The following PPP3R1 variants were observed in gnomAD, a reference collection of about 807,000 sequenced individuals.
PPP3R1 encodes protein phosphatase 3 regulatory subunit B, alpha, also known as calcineurin subunit B type 1.
PPP3R1 carries 5 observed loss-of-function variants against 22.6 expected under a neutral mutation model. The ratio of observed to expected loss-of-function variants is 0.22; its 90% CI spans 0.12 to 0.46. PPP3R1 has a LOEUF of 0.46. Ranked by LOEUF, PPP3R1 falls within the 20% of genes least tolerant of loss-of-function variation. The probability of loss-of-function intolerance (pLI) is 0.99; values close to 1 mark genes in which losing one functional copy is unlikely to be tolerated. For synonymous variants in PPP3R1, 56 were observed against 65.2 expected, an observed-to-expected ratio of 0.86 and a Z score of 0.68; for missense variants, 61 against 203.2, an observed-to-expected ratio of 0.30 and a Z score of 4.25.
At chr2:68,238,328 T>C (rs528333547) in intron 1 of PPP3R1, among the ~76,000 whole-genome samples, 30 of 152,274 alleles carry the variant, frequency 2.0e-4, no homozygotes, top group African/African-American at 7.2e-4. Context: ...AAATGGCCAT[T>C]AACTGCCTGG....
intron 1 of PPP3R1, among the ~76,000 whole-genome samples, chr2:68,241,571 G>A (rs377035183): frequency 2.6e-5 from 4 of 152,130 alleles, no homozygotes; most frequent in Non-Finnish European, 4.4e-5. Flanking sequence ...CAATGTGGCC[G>A]GGCACAGTGG....
intron 1 of PPP3R1, among the ~76,000 whole-genome samples, chr2:68,237,544 T>C (rs895900864): frequency 4.6e-5 from 7 of 152,124 alleles, no homozygotes; most frequent in Admixed American, 4.6e-4. Flanking sequence ...TTACTTGACA[T>C]TATACAACTC....
At chr2:68,216,880 G>A (rs2103770822) in intron 2 of PPP3R1, among the ~76,000 whole-genome samples, 1 of 151,744 alleles carries the variant, frequency 6.6e-6, no homozygotes, top group South Asian at 2.1e-4. Context: ...GAGTAATAAA[G>A]AAGTCTATTT....
At chr2:68,203,549 C>T (rs891839441) in intron 2 of PPP3R1, among the ~76,000 whole-genome samples, 2 of 151,074 alleles carry the variant, frequency 1.3e-5, no homozygotes, top group African/African-American at 4.9e-5. Flanking sequence ...TGCAGTGTGC[C>T]GAGATCGCGC....
intron 1 of PPP3R1, among the ~76,000 whole-genome samples, chr2:68,250,820 T>C (rs1028306400): frequency 6.6e-6 from 1 of 151,678 alleles, no homozygotes; most frequent in Non-Finnish European, 1.5e-5. Context: ...CTGACTTACC[T>C]GAATATTCTA....
chr2:68,197,669 T>A (rs114466223), intron 2 of PPP3R1, among the ~76,000 whole-genome samples: 2,938 of 151,002 alleles, frequency 0.019, 83 homozygotes, highest in African/African-American at 0.068. Context: ...ATTGTGCTTT[T>A]AAAAAAAAAG....
intron 2 of PPP3R1, among the ~76,000 whole-genome samples, chr2:68,195,010 A>G (rs2103732763): frequency 6.6e-6 from 1 of 152,278 alleles, no homozygotes; most frequent in South Asian, 2.1e-4. Flanking sequence ...CCTGGAAAAG[A>G]AAAAGAACAC....
chr2:68,179,810 C>T lies in PPP3R1; in HGVS notation c.*1153G>A, dbSNP rs575570216. The T allele has an allele frequency of 6.6e-6, 1 of 152,198 alleles. No homozygotes were observed. Among genetic ancestry groups the T allele is most frequent in the South Asian group, 2.1e-4 (1 of 4,826 alleles). 9.4% of individuals were successfully genotyped at this position (152,198 alleles called of 1,614,324 possible). ...AATTTAAGTGGCATAAATTTGGATA[C>T]AATTTTGCTCTTCTGTGGCATATAG... On this transcript the variant is annotated 3_prime_UTR_variant, in exon 6 of 6. Coordinates refer to ENST00000234310, the MANE Select transcript of PPP3R1 (RefSeq NM_000945.4).
chr2:68,230,278 C>G (rs1195941595), intron 1 of PPP3R1, among the ~76,000 whole-genome samples: 1 of 152,212 alleles, frequency 6.6e-6, no homozygotes, highest in Non-Finnish European at 1.5e-5. Flanking sequence ...CAGGCGTAAG[C>G]CACCATGCCC....
chr2:68,189,437 AT>A (rs1674615673), intron 2 of PPP3R1, among the ~76,000 whole-genome samples: 2 of 152,244 alleles, frequency 1.3e-5, no homozygotes, highest in South Asian at 4.1e-4. Flanking sequence ...GGTCTCTTAT[AT>A]AAATTCTTGA....
chr2:68,229,973 T>TACACAC (rs201152385), intron 1 of PPP3R1, among the ~76,000 whole-genome samples: 4,022 of 143,214 alleles, frequency 0.028, 71 homozygotes, highest in Middle Eastern at 0.041. Flanking sequence ...TATACACACA[T>TACACAC]ACACACACAC....
intron 2 of PPP3R1, 56 bp downstream of exon 2, chr2:68,217,036 A>ACG (rs373501884): frequency 0.019 from 13,776 of 739,376 alleles, 544 homozygotes; most frequent in African/African-American, 0.087. Flanking sequence ...ACACACACAC[A>ACG]CACAGAGAGA....
At chr2:68,190,738 A>G (rs1674648951) in intron 2 of PPP3R1, among the ~76,000 whole-genome samples, 2 of 152,128 alleles carry the variant, frequency 1.3e-5, no homozygotes, top group Admixed American at 1.3e-4. Context: ...TGTGAAGACA[A>G]TTTCTTTTGT....
rs533258828 is a variant in PPP3R1 at position 68,217,909 on chromosome 2, G to A, written c.4-778C>T. 7.2e-5 allele frequency among the ~76,000 whole-genome samples: 11 copies of A among 152,206 alleles called. No homozygotes were observed. The South Asian group carries it at 2.3e-3, about 32-fold the overall frequency. On this transcript the variant is annotated intron_variant, in intron 1 of 5. Transcript: ENST00000234310. The stretch of plus-strand genomic sequence containing the variant: ...ACATTTAACAACTCTTGAGAACTGG[G>A]ACCAGGGAGGTCAAATATCTGCTGG...
chr2:68,212,943 T>C (rs990396720), intron 2 of PPP3R1, among the ~76,000 whole-genome samples: 1 of 152,234 alleles, frequency 6.6e-6, no homozygotes, highest in Non-Finnish European at 1.5e-5. Context: ...TATCTCCTTA[T>C]ACTTGAAGAA....
intron 1 of PPP3R1, among the ~76,000 whole-genome samples, chr2:68,238,388 CCAGA>C (rs1326738736): frequency 6.6e-6 from 1 of 151,876 alleles, no homozygotes; most frequent in African/African-American, 2.4e-5. Context: ...TTGACGTTTG[CCAGA>C]CAGAGAAAGG....
intron 1 of PPP3R1, among the ~76,000 whole-genome samples, chr2:68,228,399 T>C (rs1230762801): frequency 6.6e-6 from 1 of 152,180 alleles, no homozygotes; most frequent in Non-Finnish European, 1.5e-5. Context: ...TATTTCACAC[T>C]GGAAGAGGTG....
chr2:68,236,426 A>G (rs908150271), intron 1 of PPP3R1, among the ~76,000 whole-genome samples: 2 of 152,144 alleles, frequency 1.3e-5, no homozygotes, highest in East Asian at 1.9e-4. Flanking sequence ...CATGATCTAA[A>G]ACAATGCCAA....
chr2:68,252,406 G>T lies in PPP3R1; in HGVS notation c.-279C>A. 1.0e-6 allele frequency: 1 copy of T among 999,786 alleles called. No individual in the cohort carries two copies. Among genetic ancestry groups the T allele is most frequent in the Non-Finnish European group, 1.2e-6 (1 of 840,562 alleles). 61.9% of individuals were successfully genotyped at this position (999,786 alleles called of 1,614,324 possible). On this transcript the variant is annotated 5_prime_UTR_variant, in exon 1 of 6. Transcript: ENST00000234310. Reference sequence around the variant, plus strand: ...AGCGGCGAGAGGCAGGAGAGGCAGAGAAGAAGAAAGGAGGGGGAGAGGGGG... The same window carrying T: ...AGCGGCGAGAGGCAGGAGAGGCAGATAAGAAGAAAGGAGGGGGAGAGGGGG...
Sources: gnomAD v4.1 joint callset for allele counts (sites outside exome capture counted in the v4.1 genomes callset) on GRCh38, gnomAD v4.1.1 for gene constraint, MANE v1.5 for transcripts, NCBI Gene and HGNC (gene_info 2026-07-23, HGNC 2026-07-21) for gene names.